The following RANBP2 variants were observed in gnomAD, a reference collection of about 807,000 sequenced individuals.
RANBP2 encodes the protein E3 SUMO-protein ligase RanBP2.
A neutral mutation model predicts 303.6 loss-of-function variants in RANBP2; 57 were observed. That is an observed-to-expected ratio of 0.19 (90% CI 0.15 to 0.23). The LOEUF (loss-of-function observed/expected upper bound fraction) is 0.23. RANBP2 is among the 10% of genes least tolerant of loss of function. The probability of loss-of-function intolerance (pLI) is 1.00; values close to 1 mark genes in which losing one functional copy is unlikely to be tolerated. For synonymous variants in RANBP2, 1,167 were observed against 1,301.5 expected (o/e 0.90, Z 2.23); for missense variants, 3,138 against 3,780.8 (o/e 0.83, Z 4.46).
At chr2:109,065,788 T>C in the RANBP2 span, among the ~76,000 whole-genome samples, 2 of 152,344 alleles carry the variant, frequency 1.3e-5, no homozygotes, top group East Asian at 3.9e-4. Flanking sequence ...GGCCTCCGCG[T>C]CTTACGAGCT....
At chr2:109,654,098 G>T in the RANBP2 span, among the ~76,000 whole-genome samples, 1 of 152,136 alleles carries the variant, frequency 6.6e-6, no homozygotes, top group South Asian at 2.1e-4. Context: ...AGACAGTGTG[G>T]GAGGGGTTAT....
At chr2:109,627,960 G>A in the RANBP2 span, among the ~76,000 whole-genome samples, 6 of 152,172 alleles carry the variant, frequency 3.9e-5, no homozygotes, top group South Asian at 1.2e-3. Context: ...AAGATTTGTG[G>A]TGAACATACA....
chr2:108,723,522 G>A (rs1333443243), intron 1 of RANBP2, among the ~76,000 whole-genome samples: 5 of 151,942 alleles, frequency 3.3e-5, no homozygotes, highest in South Asian at 4.1e-4. Context: ...TGATCCGCCC[G>A]CCTCAGCCTC....
At chr2:109,585,582 A>G in the RANBP2 span, 2 of 752,344 alleles carry the variant, frequency 2.7e-6, no homozygotes, top group Non-Finnish European at 4.5e-6. Flanking sequence ...CAAAACTAAC[A>G]GAATCTAAAC....
At chr2:109,106,664 G>A in the RANBP2 span, among the ~76,000 whole-genome samples, 4 of 151,948 alleles carry the variant, frequency 2.6e-5, no homozygotes, top group Admixed American at 6.6e-5. Context: ...GTGAAACCCC[G>A]TCTCTACCAA....
intron 9 of RANBP2, 62 bp from the exon 10 acceptor site, chr2:108,751,202 C>G (rs567613138): frequency 1.8e-5 from 29 of 1,611,370 alleles, no homozygotes; most frequent in Non-Finnish European, 2.5e-5. Context: ...TTTATGTTGG[C>G]AAAACTAATG....
At chr2:109,683,575 T>C in the RANBP2 span, among the ~76,000 whole-genome samples, 3 of 152,152 alleles carry the variant, frequency 2.0e-5, no homozygotes, top group Non-Finnish European at 4.4e-5. Flanking sequence ...CATGTTCATG[T>C]TGGCTGGGGG....
At chr2:108,775,208 C>A (rs186762972) in intron 23 of RANBP2, among the ~76,000 whole-genome samples, 1 of 152,230 alleles carries the variant, frequency 6.6e-6, no homozygotes. Flanking sequence ...TGTGCCATTT[C>A]CAAATATTTG....
rs761993059 is a variant in RANBP2, at chr2:108,773,010, C to G, written c.8256C>G (p.Asp2752Glu). 1.2e-6 allele frequency: 2 copies of G among 1,613,390 alleles called. No homozygotes were observed. Among genetic ancestry groups the G allele is most frequent in the Admixed American group, 1.7e-5 (1 of 59,974 alleles). Reference sequence around the variant, plus strand: ...ATGAAGACAATGGAAATGGGGAGGACTTTCAATCAGAGCTTCAAAAAGTTC... The same window carrying G: ...ATGAAGACAATGGAAATGGGGAGGAGTTTCAATCAGAGCTTCAAAAAGTTC... The part of the protein sequence containing the change: ...DTDEDNGNGE[D>E]FQSELQKVQE... The change falls in exon 23 of 29, where the codon GAC becomes GAG. Residue 2752 changes from aspartate to glutamate, a missense_variant. Transcript: ENST00000283195.
chr2:109,520,599 A>C, the RANBP2 span, among the ~76,000 whole-genome samples: 1 of 10,466 alleles, frequency 9.6e-5, no homozygotes, highest in Non-Finnish European at 1.4e-4. Context: ...ACTCCATCTC[A>C]AAAAAAAAAA....
the RANBP2 span, among the ~76,000 whole-genome samples, chr2:109,090,337 CACA>C: frequency 9.4e-3 from 1,380 of 146,926 alleles, 8 homozygotes; most frequent in African/African-American, 0.014. Flanking sequence ...CACACACACA[CACA>C]CACACACACA....
At chr2:109,352,599 C>G in the RANBP2 span, among the ~76,000 whole-genome samples, 5 of 152,360 alleles carry the variant, frequency 3.3e-5, no homozygotes, top group South Asian at 1.0e-3. Flanking sequence ...GTGCGGAGCT[C>G]CACGTCGTTC....
At chr2:109,218,199 T>G in the RANBP2 span, among the ~76,000 whole-genome samples, 1 of 151,970 alleles carries the variant, frequency 6.6e-6, no homozygotes, top group Non-Finnish European at 1.5e-5. Context: ...CTGAGGCACG[T>G]GACAAAATTT....
At chr2:109,361,467 A>G in the RANBP2 span, among the ~76,000 whole-genome samples, 1 of 152,006 alleles carries the variant, frequency 6.6e-6, no homozygotes, top group African/African-American at 2.4e-5. Flanking sequence ...AAAGTTTATT[A>G]GTTGTTTATT....
At chr2:108,735,224 C>A (rs1375431949) in intron 4 of RANBP2, among the ~76,000 whole-genome samples, 2 of 152,086 alleles carry the variant, frequency 1.3e-5, no homozygotes, top group Non-Finnish European at 2.9e-5. Flanking sequence ...TGAGGATTGA[C>A]TGGGGAGGTC....
the RANBP2 span, among the ~76,000 whole-genome samples, chr2:109,529,847 G>A: frequency 6.6e-6 from 1 of 152,210 alleles, no homozygotes; most frequent in South Asian, 2.1e-4. Context: ...ACTGGGCTGA[G>A]CCTTCTTGCC....
chr2:109,255,484 G>A, the RANBP2 span, among the ~76,000 whole-genome samples: 8 of 152,176 alleles, frequency 5.3e-5, no homozygotes, highest in Non-Finnish European at 1.0e-4. Context: ...TTAGTCAGCC[G>A]ACTGGGTATC....
At chr2:109,236,684 G>T in the RANBP2 span, among the ~76,000 whole-genome samples, 1 of 152,216 alleles carries the variant, frequency 6.6e-6, no homozygotes, top group Admixed American at 6.5e-5. Context: ...CAAGGTCGAA[G>T]AAAGGAAATC....
At chr2:109,102,706 G>A in the RANBP2 span, among the ~76,000 whole-genome samples, 1 of 152,130 alleles carries the variant, frequency 6.6e-6, no homozygotes, top group African/African-American at 2.4e-5. Context: ...GGGAGGATGA[G>A]GAAGGGAGAG....
Sources: allele counts gnomAD v4.1 joint callset (sites outside exome capture counted in the v4.1 genomes callset), GRCh38; gene constraint gnomAD v4.1.1; transcripts MANE v1.5; gene names NCBI Gene and HGNC (gene_info 2026-07-23, HGNC 2026-07-21).